The following DCC variants were observed in gnomAD, a reference collection of about 807,000 sequenced individuals.
The protein encoded by DCC is DCC netrin 1 receptor.
A neutral mutation model predicts 172.5 loss-of-function variants in DCC; 58 were observed. The observed-to-expected ratio is 0.34, with a 90% CI of 0.27 to 0.42. The LOEUF is 0.42. DCC is among the 10% of genes least tolerant of loss of function. DCC has a pLI of 1.00. For synonymous variants in DCC, 709 were observed against 644.5 expected (o/e 1.10, Z -1.52); for missense variants, 1,740 against 1,791.0 (o/e 0.97, Z 0.51).
chr18:52,781,892 A>G (rs1176093262), intron 2 of DCC, among the ~76,000 whole-genome samples: 1 of 152,144 alleles, frequency 6.6e-6, no homozygotes, highest in African/African-American at 2.4e-5. Context: ...CTACCAGGGC[A>G]TATTTTAAAG....
At chr18:52,973,712 G>A (rs2041066988) in intron 5 of DCC, among the ~76,000 whole-genome samples, 1 of 152,182 alleles carries the variant, frequency 6.6e-6, no homozygotes, top group South Asian at 2.1e-4. Flanking sequence ...CTATGTTACA[G>A]AAGAAATTCC....
At chr18:52,834,076 G>C (rs1253692212) in intron 2 of DCC, among the ~76,000 whole-genome samples, 1 of 152,146 alleles carries the variant, frequency 6.6e-6, no homozygotes, top group Non-Finnish European at 1.5e-5. Context: ...CTGTGGCTTA[G>C]CACTGTGTGG....
At chr18:52,675,707 A>G (rs910560886) in intron 1 of DCC, among the ~76,000 whole-genome samples, 26 of 152,206 alleles carry the variant, frequency 1.7e-4, no homozygotes, top group Admixed American at 1.4e-3. Flanking sequence ...AAAGCAGGAG[A>G]TCCTACTTTT....
chr18:52,815,994 G>A (rs971032089), intron 2 of DCC, among the ~76,000 whole-genome samples: 7 of 152,182 alleles, frequency 4.6e-5, no homozygotes, highest in East Asian at 1.9e-4. Context: ...CAACCAATTA[G>A]TGAATAATAA....
chr18:53,240,026 TAA>T (rs68158437), intron 12 of DCC, among the ~76,000 whole-genome samples: 2,784 of 68,956 alleles, frequency 0.04, 93 homozygotes, highest in African/African-American at 0.12. Flanking sequence ...GTTCTAGAGT[TAA>T]AAAAAAAAAA....
intron 5 of DCC, among the ~76,000 whole-genome samples, chr18:53,054,229 A>G (rs2042372435): frequency 6.6e-6 from 1 of 151,976 alleles, no homozygotes; most frequent in African/African-American, 2.4e-5. Flanking sequence ...TTATTTTTTT[A>G]TCTGCAGTCG....
chr18:52,744,745 G>A (rs2036881567), intron 1 of DCC, among the ~76,000 whole-genome samples: 2 of 152,106 alleles, frequency 1.3e-5, no homozygotes, highest in African/African-American at 4.8e-5. Flanking sequence ...CACACCCTCA[G>A]GCTACAGCAC....
intron 3 of DCC, among the ~76,000 whole-genome samples, chr18:52,912,935 A>T (rs1174955830): frequency 6.6e-6 from 1 of 152,078 alleles, no homozygotes; most frequent in African/African-American, 2.4e-5. Flanking sequence ...ATGGTCAAAA[A>T]TCAATTTTAT....
rs141224571 is a variant in DCC, at chr18:52,711,439, A to G, written c.92-40615A>G. Among the ~76,000 whole-genome samples the G allele has an allele frequency of 4.0e-3, 604 of 152,264 alleles. 4 individuals carry two copies. The highest frequency in any genetic ancestry group is 6.8e-3 in the South Asian group (33 of 4,818). On this transcript the variant is annotated intron_variant, in intron 1 of 28. Transcript: ENST00000442544. ...CTGCTATATGCTCAATGCTGAGCAC[A>G]TGGCTTGACACACAGAAGGACCTCA...
intron 13 of DCC, among the ~76,000 whole-genome samples, chr18:53,316,146 G>A (rs1361653056): frequency 1.3e-5 from 2 of 152,152 alleles, no homozygotes; most frequent in Non-Finnish European, 2.9e-5. Flanking sequence ...TGTAAGGAAG[G>A]GGTCTAGTTT....
chr18:53,307,433 A>G (rs565207107), intron 13 of DCC, among the ~76,000 whole-genome samples: 1 of 152,214 alleles, frequency 6.6e-6, no homozygotes, highest in East Asian at 1.9e-4. Context: ...AAATCTTGCT[A>G]AAAATATTTT....
intron 25 of DCC, among the ~76,000 whole-genome samples, chr18:53,478,265 G>T (rs2145202941): frequency 6.6e-6 from 1 of 152,290 alleles, no homozygotes; most frequent in African/African-American, 2.4e-5. Context: ...TCCAAGAAGT[G>T]GGGTGTGGCC....
chr18:52,542,522 A>C (rs968188844), intron 1 of DCC, among the ~76,000 whole-genome samples: 7 of 152,140 alleles, frequency 4.6e-5, no homozygotes, highest in Admixed American at 3.3e-4. Context: ...GTTCTTTGGA[A>C]TTCTAGTCTA....
chr18:52,944,689 C>T (rs566417154), intron 5 of DCC, among the ~76,000 whole-genome samples: 19 of 152,244 alleles, frequency 1.2e-4, no homozygotes, highest in African/African-American at 4.6e-4. Context: ...CCCCCTTCTA[C>T]CCCAGAGCTA....
intron 5 of DCC, chr18:52,941,009 T>C (rs560317061): frequency 2.0e-4 from 31 of 152,220 alleles, no homozygotes; most frequent in African/African-American, 7.0e-4. Context: ...GAATGAAATA[T>C]TATAGTAAGA....
chr18:52,491,599 G>C (rs2030504999), intron 1 of DCC, among the ~76,000 whole-genome samples: 1 of 152,132 alleles, frequency 6.6e-6, no homozygotes, highest in South Asian at 2.1e-4. Flanking sequence ...ATTGAAGAAG[G>C]CATTTCAATA....
Position 52,373,625 on chromosome 18 carries a change from C to G in DCC, c.91+32747C>G, listed in dbSNP as rs571440908. Among the ~76,000 whole-genome samples the G allele has an allele frequency of 6.5e-4, 99 of 152,182 alleles. 2 individuals carry two copies. The highest frequency in any genetic ancestry group is 2.2e-3 in the African/African-American group (92 of 41,514). On this transcript the variant is annotated intron_variant, in intron 1 of 28. Coordinates refer to ENST00000442544, the MANE Select transcript of DCC (RefSeq NM_005215.4). ...TTTTGACCTTTGGAGTTGATAACAG[C>G]CATTACATGTGAAGGTTAGAGCTCT...
At chr18:53,190,748 T>G (rs984027608) in intron 9 of DCC, among the ~76,000 whole-genome samples, 31 of 151,996 alleles carry the variant, frequency 2.0e-4, no homozygotes, top group African/African-American at 7.5e-4. Flanking sequence ...AGATGGAGAC[T>G]ATCCTGGCTA....
At chr18:53,149,847 T>C (rs138863866) in intron 7 of DCC, among the ~76,000 whole-genome samples, 158 of 152,350 alleles carry the variant, frequency 1.0e-3, no homozygotes, top group South Asian at 7.5e-3. Flanking sequence ...TAGGAAATCC[T>C]TTTTAGCATA....
Sources: allele counts gnomAD v4.1 joint callset (sites outside exome capture counted in the v4.1 genomes callset), GRCh38; gene constraint gnomAD v4.1.1; transcripts MANE v1.5; gene names NCBI Gene and HGNC (gene_info 2026-07-23, HGNC 2026-07-21).